LINGO1: variants seen among roughly 807,000 people sequenced by gnomAD.
LINGO1 encodes leucine rich repeat and Ig domain containing 1, also known as leucine-rich repeat and immunoglobulin-like domain-containing nogo receptor-interacting protein 1.
A neutral mutation model predicts 37.3 loss-of-function variants in LINGO1; 11 were observed. The ratio of observed to expected loss-of-function variants is 0.29; its 90% CI spans 0.19 to 0.49. LINGO1 has a LOEUF of 0.49. LINGO1 is among the 20% of genes least tolerant of loss of function. The pLI, the probability that LINGO1 is intolerant of heterozygous loss-of-function variation, is 0.99. For missense variants in LINGO1, 585 were observed against 878.2 expected (o/e 0.67, Z 4.22); for synonymous variants, 387 against 403.0 (o/e 0.96, Z 0.48).
intron 1 of LINGO1, among the ~76,000 whole-genome samples, chr15:77,767,095 T>C (rs753275087): frequency 6.6e-6 from 1 of 152,132 alleles, no homozygotes; most frequent in Non-Finnish European, 1.5e-5. Flanking sequence ...TTCAAAAACT[T>C]TTCCAGAGCA....
At chr15:77,633,871 AC>A (rs1451312985), upstream of LINGO1, among the ~76,000 whole-genome samples, 1 of 152,036 alleles carries the variant, frequency 6.6e-6, no homozygotes, top group Non-Finnish European at 1.5e-5. Flanking sequence ...GTAGGTTACC[AC>A]CCTCAGGACC....
chr15:77,633,558 C>CG (rs1417840184), upstream of LINGO1, among the ~76,000 whole-genome samples: 4 of 152,190 alleles, frequency 2.6e-5, 1 homozygote, highest in African/African-American at 4.8e-5. Context: ...CGCGCTGGCC[C>CG]GGCAGCTCTA....
At chr15:77,784,081 A>G (rs1465995375) in intron 1 of LINGO1, among the ~76,000 whole-genome samples, 1 of 152,238 alleles carries the variant, frequency 6.6e-6, no homozygotes, top group Non-Finnish European at 1.5e-5. Flanking sequence ...AGCCTGGGAC[A>G]GGTAAACTGA....
At chr15:77,738,815 AGAAG>A (rs1354250124) in intron 1 of LINGO1, among the ~76,000 whole-genome samples, 2 of 109,722 alleles carry the variant, frequency 1.8e-5, no homozygotes, top group Non-Finnish European at 3.9e-5. Context: ...AAGGAAGGAA[AGAAG>A]GAAGGAAGGA....
chr15:77,636,459 C>G (rs1281425864), upstream of LINGO1, among the ~76,000 whole-genome samples: 2 of 152,088 alleles, frequency 1.3e-5, no homozygotes, highest in African/African-American at 4.8e-5. Flanking sequence ...AGACCAGGAG[C>G]CTTGGAGGTG....
chr15:77,643,204 G>C (rs1178990194), intron 3 of LINGO1, among the ~76,000 whole-genome samples: 1 of 152,260 alleles, frequency 6.6e-6, no homozygotes, highest in African/African-American at 2.4e-5. Context: ...AGGGCAGCCT[G>C]GTCAGATAGG....
chr15:77,621,107 T>A (rs1473496939), intron 1 of LINGO1, among the ~76,000 whole-genome samples: 1 of 151,290 alleles, frequency 6.6e-6, no homozygotes, highest in Non-Finnish European at 1.5e-5. Flanking sequence ...CAGGCTGGAG[T>A]GCAGTGGCGA....
chr15:77,732,475 C>G (rs1315081151), intron 2 of LINGO1, among the ~76,000 whole-genome samples: 1 of 152,242 alleles, frequency 6.6e-6, no homozygotes, highest in Non-Finnish European at 1.5e-5. Flanking sequence ...CACAAAACGT[C>G]AGGCTGGTAA....
chr15:77,620,600 C>A (rs3942665), intron 1 of LINGO1, among the ~76,000 whole-genome samples: 1 of 152,202 alleles, frequency 6.6e-6, no homozygotes, highest in East Asian at 1.9e-4. Flanking sequence ...AAGGGCTCCA[C>A]TTCAGTGTCC....
intron 2 of LINGO1, among the ~76,000 whole-genome samples, chr15:77,795,355 T>C (rs2076864378): frequency 6.6e-6 from 1 of 152,130 alleles, no homozygotes; most frequent in Non-Finnish European, 1.5e-5. Context: ...GGGGTCCTGC[T>C]CCTCGTGATA....
chr15:77,706,998 C>T (rs545649929), intron 2 of LINGO1, among the ~76,000 whole-genome samples: 5 of 152,368 alleles, frequency 3.3e-5, no homozygotes, highest in African/African-American at 1.2e-4. Flanking sequence ...TGCCAGGATG[C>T]CACACGGATT....
At chr15:77,689,405 G>A (rs1244450208) in intron 2 of LINGO1, among the ~76,000 whole-genome samples, 1 of 152,176 alleles carries the variant, frequency 6.6e-6, no homozygotes. Flanking sequence ...CTGCCCAGAT[G>A]CCCTCTATGG....
Position 77,615,582 on chromosome 15 carries a change from C to A in LINGO1, c.325G>T (p.Ala109Ser). The change falls in exon 2 of 2, where the codon GCC (alanine) becomes TCC (serine). Residue 109 changes from alanine to serine, a missense_variant. By Grantham distance (99) the Ala-to-Ser change is moderately conservative. Around this residue, in one of 4 missense-constraint regions of LINGO1, gnomAD observed 484 missense variants for 735.0 expected, o/e 0.66. Coordinates refer to ENST00000355300, the MANE Select transcript of LINGO1 (RefSeq NM_032808.7). ...TTGTTGAAGGCGCCGGGCTCCACGGCGCTCACGATGTTCTCGTTGAGCTCC... is the reference window on the plus strand; with the variant it reads ...TTGTTGAAGGCGCCGGGCTCCACGGAGCTCACGATGTTCTCGTTGAGCTCC... Reference protein sequence around the residue: ...ELELNENIVSAVEPGAFNNLF... With the variant: ...ELELNENIVSSVEPGAFNNLF... The A allele has an allele frequency of 1.2e-6, 2 of 1,611,306 alleles. No individual in the cohort carries two copies. The highest frequency in any genetic ancestry group is 1.7e-6 in the Non-Finnish European group (2 of 1,178,712).
At chr15:77,654,914 C>T (rs34268901) in intron 3 of LINGO1, among the ~76,000 whole-genome samples, 10,084 of 152,258 alleles carry the variant, frequency 0.066, 465 homozygotes, top group Admixed American at 0.092. Context: ...GCTGAGGTGG[C>T]CCTGATGCTC....
rs1225958070 is a variant in LINGO1 at position 77,732,808 on chromosome 15, CCCCCAGCACG to C, written c.-195+2174_-195+2183del. On this transcript the variant is annotated intron_variant, in intron 2 of 3. Coordinates refer to the LINGO1 transcript ENST00000561686. Reference sequence around the variant, plus strand: ...AATGCCTCCTTCCCGGCTCCCATGCCCCCCAGCACGCATGTTCAGGCTCTGATCTAGCACA... The same window carrying C: ...AATGCCTCCTTCCCGGCTCCCATGCCCATGTTCAGGCTCTGATCTAGCACA... Among the ~76,000 whole-genome samples the C allele has an allele frequency of 3.3e-5, 5 of 152,190 alleles. No homozygotes were observed. In the East Asian group the frequency reaches 9.6e-4, roughly 29 times the overall value.
At chr15:77,740,860 A>T (rs2076256239) in intron 1 of LINGO1, among the ~76,000 whole-genome samples, 1 of 152,230 alleles carries the variant, frequency 6.6e-6, no homozygotes, top group South Asian at 2.1e-4. Flanking sequence ...GGAGAAGCTG[A>T]GGTTCCAAGA....
upstream of LINGO1, among the ~76,000 whole-genome samples, chr15:77,789,459 T>C (rs903818878): frequency 6.6e-6 from 1 of 151,946 alleles, no homozygotes; most frequent in Non-Finnish European, 1.5e-5. Context: ...ATACAAAAAT[T>C]AGCCGGGTGT....
At chr15:77,693,072 G>A (rs114718772) in intron 1 of LINGO1, among the ~76,000 whole-genome samples, 2,836 of 152,238 alleles carry the variant, frequency 0.019, 99 homozygotes, top group African/African-American at 0.064. Context: ...CCATGTGCAC[G>A]CGTGCACACA....
intron 3 of LINGO1, among the ~76,000 whole-genome samples, chr15:77,669,320 C>T (rs1049859644): frequency 2.6e-5 from 4 of 152,194 alleles, no homozygotes; most frequent in African/African-American, 7.2e-5. Flanking sequence ...GAGCCAAAGT[C>T]CCCCATCCCT....
Sources: allele counts gnomAD v4.1 joint callset (sites outside exome capture counted in the v4.1 genomes callset), GRCh38; gene constraint gnomAD v4.1.1; regional missense constraint gnomAD v4.1.1; transcripts MANE v1.5; gene names NCBI Gene and HGNC (gene_info 2026-07-23, HGNC 2026-07-21).